Variants in IL1R1 observed in about 807,000 individuals in gnomAD.
IL1R1 encodes interleukin-1 receptor type 1.
In IL1R1, 22 loss-of-function variants were observed where a neutral mutation model predicts 50.2. That is an observed-to-expected ratio of 0.44 (90% CI 0.31 to 0.63). The LOEUF is 0.63. Among genes scored for constraint, IL1R1 ranks in the 20% least tolerant of loss-of-function variants. The probability of loss-of-function intolerance (pLI) is 0.07; values close to 1 mark genes in which losing one functional copy is unlikely to be tolerated. For synonymous variants in IL1R1, 251 were observed against 236.7 expected, an observed-to-expected ratio of 1.06 and a Z score of -0.55; for missense variants, 509 against 676.2, an observed-to-expected ratio of 0.75 and a Z score of 2.74.
upstream of IL1R1, among the ~76,000 whole-genome samples, chr2:102,103,359 A>T (rs900516013): frequency 6.6e-6 from 1 of 151,984 alleles, no homozygotes; most frequent in Non-Finnish European, 1.5e-5. Context: ...AGCAAAGAGG[A>T]GGTGGGCTGT....
At chr2:102,084,870 G>A (rs868370445) in intron 1 of IL1R1, among the ~76,000 whole-genome samples, 2 of 152,226 alleles carry the variant, frequency 1.3e-5, no homozygotes, top group Non-Finnish European at 2.9e-5. Flanking sequence ...GACAGTTCCA[G>A]CTGATGGAAA....
At chr2:102,146,167 G>A (rs962175208) in intron 1 of IL1R1, among the ~76,000 whole-genome samples, 7 of 151,960 alleles carry the variant, frequency 4.6e-5, no homozygotes, top group South Asian at 2.1e-4. Context: ...CACATTTGGC[G>A]TCCCAAATGT....
At chr2:102,117,363 G>C (rs1681145131) in intron 1 of IL1R1, among the ~76,000 whole-genome samples, 1 of 152,184 alleles carries the variant, frequency 6.6e-6, no homozygotes, top group African/African-American at 2.4e-5. Flanking sequence ...CAGCTGGAAA[G>C]AGCAGGGTGA....
intron 1 of IL1R1, among the ~76,000 whole-genome samples, chr2:102,080,192 T>C (rs1559451043): frequency 6.6e-6 from 1 of 152,172 alleles, no homozygotes; most frequent in Non-Finnish European, 1.5e-5. Flanking sequence ...CTTCCTTAAG[T>C]ATACAGCGCC....
At chr2:102,119,466 A>G (rs114059159) in intron 1 of IL1R1, among the ~76,000 whole-genome samples, 392 of 152,378 alleles carry the variant, frequency 2.6e-3, no homozygotes, top group African/African-American at 9.0e-3. Flanking sequence ...ATGCAATTTC[A>G]GAATGCAGTT....
At chr2:102,154,076 A>T (rs1683943615) in intron 2 of IL1R1, 59 bp downstream of exon 2, 1 of 152,146 alleles carries the variant, frequency 6.6e-6, no homozygotes, top group African/African-American at 2.4e-5. Flanking sequence ...AAATAGCTGA[A>T]CTCCTCCACT....
intron 1 of IL1R1, among the ~76,000 whole-genome samples, chr2:102,088,081 C>A (rs1367031281): frequency 6.6e-6 from 1 of 152,180 alleles, no homozygotes; most frequent in East Asian, 1.9e-4. Flanking sequence ...AAGTCATCCA[C>A]GAGGGTTGGA....
chr2:102,104,882 T>C (rs1680317173), intron 1 of IL1R1: 2 of 152,196 alleles, frequency 1.3e-5, no homozygotes, highest in African/African-American at 4.8e-5. Context: ...GGTAAGATGA[T>C]TAATTGCACT....
At chr2:102,072,891 T>C (rs1678794409) in intron 1 of IL1R1, among the ~76,000 whole-genome samples, 1 of 152,162 alleles carries the variant, frequency 6.6e-6, no homozygotes. Context: ...CTTGGGAAGA[T>C]GTGTTCACAG....
At chr2:102,090,382 C>T (rs1236262547) in intron 1 of IL1R1, among the ~76,000 whole-genome samples, 2 of 152,164 alleles carry the variant, frequency 1.3e-5, no homozygotes, top group Non-Finnish European at 2.9e-5. Flanking sequence ...AACGTTTGGC[C>T]ACTATCTCTT....
chr2:102,147,305 G>A (rs375949328), intron 1 of IL1R1, among the ~76,000 whole-genome samples: 1 of 152,156 alleles, frequency 6.6e-6, no homozygotes, highest in African/African-American at 2.4e-5. Context: ...ACAATGTAAC[G>A]ATTCTTGTAG....
chr2:102,130,653 T>A (rs1324310604), intron 1 of IL1R1, among the ~76,000 whole-genome samples: 1 of 152,002 alleles, frequency 6.6e-6, no homozygotes, highest in African/African-American at 2.4e-5. Context: ...AATGTATTAA[T>A]TCTTGGTTAT....
rs545805565 is a variant in IL1R1 at position 102,145,913 on chromosome 2, G to A, written c.-84+2893G>A. 2.0e-5 allele frequency among the ~76,000 whole-genome samples: 3 copies of A among 152,338 alleles called. No individual in the cohort carries two copies. The South Asian group carries it at 6.2e-4, about 32-fold the overall frequency. ...ACATAAATACTCTTTCCTGTAGGCA[G>A]TGGGAAAGAGGAAACCCTGCAGGGC... On this transcript the variant is annotated intron_variant, in intron 1 of 11. Transcript: ENST00000410023.
chr2:102,153,521 G>A (rs1202130772), intron 1 of IL1R1, among the ~76,000 whole-genome samples: 1 of 152,134 alleles, frequency 6.6e-6, no homozygotes, highest in Non-Finnish European at 1.5e-5. Context: ...GTTTGGCTCT[G>A]TGTCCCCACC....
At chr2:102,155,744 C>G (rs748327191) in intron 2 of IL1R1, among the ~76,000 whole-genome samples, 11 of 152,266 alleles carry the variant, frequency 7.2e-5, no homozygotes, top group Non-Finnish European at 1.3e-4. Flanking sequence ...AACCCTTTGC[C>G]CTTTTATAGT....
intron 1 of IL1R1, among the ~76,000 whole-genome samples, chr2:102,122,280 C>A (rs973947529): frequency 2.0e-5 from 3 of 152,210 alleles, no homozygotes; most frequent in African/African-American, 7.2e-5. Context: ...CATTCCACGC[C>A]TCTGTCTCAT....
chr2:102,173,276 A>T (rs575619094), intron 9 of IL1R1, among the ~76,000 whole-genome samples: 1 of 152,314 alleles, frequency 6.6e-6, no homozygotes, highest in East Asian at 1.9e-4. Context: ...TCCACTTTCA[A>T]AGAGGACATC....
At chr2:102,155,088 A>G (rs887077772) in intron 2 of IL1R1, among the ~76,000 whole-genome samples, 2 of 152,230 alleles carry the variant, frequency 1.3e-5, no homozygotes, top group African/African-American at 4.8e-5. Flanking sequence ...CCAAATAGAT[A>G]TTTGATGTAT....
chr2:102,114,626 C>G (rs181993550), intron 1 of IL1R1, among the ~76,000 whole-genome samples: 14 of 152,334 alleles, frequency 9.2e-5, no homozygotes, highest in Non-Finnish European at 1.3e-4. Flanking sequence ...GGAAATTACA[C>G]TCGGTATCAC....
Sources: allele counts gnomAD v4.1 joint callset (sites outside exome capture counted in the v4.1 genomes callset), GRCh38; gene constraint gnomAD v4.1.1; transcripts MANE v1.5; gene names NCBI Gene and HGNC (gene_info 2026-07-23, HGNC 2026-07-21).